LRRC7: variants seen among roughly 807,000 people sequenced by gnomAD.
LRRC7 encodes the protein leucine rich repeat containing 7.
A neutral mutation model predicts 175.7 loss-of-function variants in LRRC7; 23 were observed. The observed-to-expected ratio is 0.13, with a 90% CI of 0.09 to 0.19. The LOEUF (loss-of-function observed/expected upper bound fraction) is 0.19, where lower values mean the gene tolerates loss of function less well. LRRC7 is among the 10% of genes least tolerant of loss of function. The probability of loss-of-function intolerance (pLI) is 1.00; values close to 1 mark genes in which losing one functional copy is unlikely to be tolerated. For missense variants in LRRC7, 1,354 were observed against 1,904.7 expected (o/e 0.71, Z 5.38); for synonymous variants, 685 against 680.9 (o/e 1.01, Z -0.09).
intron 25 of LRRC7, among the ~76,000 whole-genome samples, chr1:70,105,518 C>A (rs1266548535): frequency 6.6e-6 from 1 of 152,148 alleles, no homozygotes; most frequent in Non-Finnish European, 1.5e-5. Flanking sequence ...AAACACATTT[C>A]AGCAAAAATA....
chr1:69,925,440 T>A (rs1647035941), intron 7 of LRRC7, among the ~76,000 whole-genome samples: 1 of 152,156 alleles, frequency 6.6e-6, no homozygotes. Context: ...TGGACTCTTT[T>A]TGGTTGGTAA....
intron 7 of LRRC7, among the ~76,000 whole-genome samples, chr1:69,909,346 T>C (rs1458026300): frequency 6.6e-6 from 1 of 152,204 alleles, no homozygotes; most frequent in Non-Finnish European, 1.5e-5. Flanking sequence ...CGTTAGTTGA[T>C]GCAGTTTTCT....
chr1:69,831,183 A>G (rs1406857855), intron 5 of LRRC7, among the ~76,000 whole-genome samples: 1 of 152,024 alleles, frequency 6.6e-6, no homozygotes, highest in African/African-American at 2.4e-5. Context: ...TGTTAAAATA[A>G]ATTATTAGAT....
intron 2 of LRRC7, among the ~76,000 whole-genome samples, chr1:69,685,668 C>CA (rs1421710917): frequency 6.6e-5 from 10 of 151,888 alleles, no homozygotes; most frequent in Admixed American, 6.6e-4. Flanking sequence ...GGAATTTACT[C>CA]AATATGAACA....
chr1:70,140,012 G>A lies in LRRC7; in HGVS notation c.*18125G>A, dbSNP rs1267745356. On this transcript the variant is annotated 3_prime_UTR_variant, in exon 27 of 27. Transcript: ENST00000651989. ...TACAATAGCTGCCTTATTGGGGGAA[G>A]GGAGGCATAGATTTGCAAATGGTGG... The A allele has an allele frequency of 6.6e-6, 1 of 152,112 alleles. No individual in the cohort carries two copies. The highest frequency in any genetic ancestry group is 6.6e-5 in the Admixed American group (1 of 15,262). 9.4% of individuals were successfully genotyped at this position (152,112 alleles called of 1,614,324 possible).
chr1:69,952,997 C>CAAAAAAAAA (rs61277479), intron 8 of LRRC7, among the ~76,000 whole-genome samples: 1 of 56,962 alleles, frequency 1.8e-5, no homozygotes, highest in Non-Finnish European at 4.3e-5. Context: ...AGAGACAAGG[C>CAAAAAAAAA]AAAAAAAAAA....
intron 23 of LRRC7, among the ~76,000 whole-genome samples, chr1:70,067,388 T>C (rs1662056822): frequency 6.6e-6 from 1 of 152,118 alleles, no homozygotes; most frequent in Non-Finnish European, 1.5e-5. Flanking sequence ...AAAGATTCTT[T>C]CCTACATTAA....
rs1260417797 is a variant in LRRC7, at chr1:69,675,888, G to T, written c.3-2493G>T. 2.0e-5 allele frequency among the ~76,000 whole-genome samples: 3 copies of T among 151,832 alleles called. No individual in the cohort carries two copies. The East Asian group carries it at 5.8e-4, about 29-fold the overall frequency. On this transcript the variant is annotated intron_variant, in intron 1 of 26. Transcript: ENST00000651989. ...TCGCTGTATTATCATTATCTTGAGAGAAATAACTTTTTCTCACTTGACATG... is the reference window on the plus strand; with the variant it reads ...TCGCTGTATTATCATTATCTTGAGATAAATAACTTTTTCTCACTTGACATG...
intron 1 of LRRC7, among the ~76,000 whole-genome samples, chr1:69,580,026 C>T (rs1646130069): frequency 6.6e-6 from 1 of 152,090 alleles, no homozygotes; most frequent in South Asian, 2.1e-4. Context: ...CTCCATCGTC[C>T]TGGTCCATGA....
intron 3 of LRRC7, among the ~76,000 whole-genome samples, chr1:69,762,984 C>T (rs559321912): frequency 5.3e-5 from 8 of 151,754 alleles, no homozygotes; most frequent in African/African-American, 1.7e-4. Flanking sequence ...AGCTAGTTTC[C>T]CTTAAAGTAT....
intron 1 of LRRC7, among the ~76,000 whole-genome samples, chr1:69,595,618 C>G (rs1340810659): frequency 6.6e-6 from 1 of 152,106 alleles, no homozygotes; most frequent in Non-Finnish European, 1.5e-5. Flanking sequence ...ACTTTCCCTG[C>G]CTTGGCTTTC....
intron 26 of LRRC7, among the ~76,000 whole-genome samples, chr1:70,121,539 G>C (rs1270968981): frequency 2.0e-5 from 3 of 151,906 alleles, no homozygotes; most frequent in African/African-American, 7.3e-5. Context: ...TATTGACCAG[G>C]GTATCTTGAT....
intron 8 of LRRC7, among the ~76,000 whole-genome samples, chr1:69,959,147 G>A (rs1444530302): frequency 6.6e-6 from 1 of 152,086 alleles, no homozygotes; most frequent in Non-Finnish European, 1.5e-5. Context: ...GGAATTTAAA[G>A]TTAAAGCAGT....
At chr1:70,058,019 T>C (rs1315643270) in intron 23 of LRRC7, among the ~76,000 whole-genome samples, 1 of 151,746 alleles carries the variant, frequency 6.6e-6, no homozygotes, top group Non-Finnish European at 1.5e-5. Context: ...ACAATTTTTT[T>C]TTTTTTTTTT....
intron 7 of LRRC7, among the ~76,000 whole-genome samples, chr1:69,906,758 C>A: frequency 6.6e-6 from 1 of 152,060 alleles, no homozygotes; most frequent in Non-Finnish European, 1.5e-5. Flanking sequence ...TTTTTGGTTC[C>A]ATATGAACTT....
chr1:69,825,703 A>G (rs748939917), intron 4 of LRRC7, 45 bp from the exon 5 acceptor site: 2 of 1,276,496 alleles, frequency 1.6e-6, no homozygotes, highest in East Asian at 4.8e-5. Context: ...TTTAAAGAAT[A>G]TTTGTTGGAA....
At chr1:69,797,742 T>C (rs1351276041) in intron 4 of LRRC7, among the ~76,000 whole-genome samples, 3 of 152,176 alleles carry the variant, frequency 2.0e-5, no homozygotes, top group East Asian at 1.9e-4. Flanking sequence ...GCTTTAGCAC[T>C]CTTTCATAAT....
At chr1:70,113,350 C>T (rs1305951070) in intron 26 of LRRC7, among the ~76,000 whole-genome samples, 1 of 152,064 alleles carries the variant, frequency 6.6e-6, no homozygotes, top group East Asian at 1.9e-4. Flanking sequence ...TTCTGAGGAT[C>T]CATAATTAAT....
At chr1:69,832,187 A>G (rs1326199410) in intron 5 of LRRC7, among the ~76,000 whole-genome samples, 1 of 152,108 alleles carries the variant, frequency 6.6e-6, no homozygotes, top group African/African-American at 2.4e-5. Context: ...CTTTCTGGGG[A>G]ACTCTGGGTA....
Sources: allele counts gnomAD v4.1 joint callset (sites outside exome capture counted in the v4.1 genomes callset), GRCh38; gene constraint gnomAD v4.1.1; transcripts MANE v1.5; gene names NCBI Gene and HGNC (gene_info 2026-07-23, HGNC 2026-07-21).